Variants in EFCAB6 observed in about 807,000 individuals in gnomAD.
EFCAB6 encodes EF-hand calcium binding domain 6.
Under a neutral mutation model 169.8 loss-of-function variants are expected in EFCAB6, and 156 were observed. That is an observed-to-expected ratio of 0.92 (90% CI 0.81 to 1.05). The LOEUF (loss-of-function observed/expected upper bound fraction) is 1.05. Ranked by LOEUF, EFCAB6 falls within the 50% of genes least tolerant of loss-of-function variation. The pLI, the probability that EFCAB6 is intolerant of heterozygous loss-of-function variation, is 0.00. For synonymous variants in EFCAB6, 698 were observed against 676.4 expected (o/e 1.03, Z -0.50); for missense variants, 1,800 against 1,829.1 (o/e 0.98, Z 0.29).
At chr22:43,561,356 CAAAA>C (rs768942774) in intron 26 of EFCAB6, among the ~76,000 whole-genome samples, 1 of 112,142 alleles carries the variant, frequency 8.9e-6, no homozygotes, top group East Asian at 2.5e-4. Context: ...GACTCTGTCT[CAAAA>C]AAAAAAAAAG....
chr22:43,635,361 G>A (rs1183119971), intron 17 of EFCAB6, 145 bp from the exon 18 acceptor site: 9 of 648,196 alleles, frequency 1.4e-5, no homozygotes, highest in Non-Finnish European at 2.2e-5. Context: ...GCCAGGGGGT[G>A]GGACCGAGTC....
At chr22:43,786,649 G>C (rs2148075712) in intron 2 of EFCAB6, among the ~76,000 whole-genome samples, 1 of 152,160 alleles carries the variant, frequency 6.6e-6, no homozygotes, top group South Asian at 2.1e-4. Flanking sequence ...AGGAGGCAGA[G>C]TTTGCACTGA....
chr22:43,722,521 C>T (rs1213352274), intron 8 of EFCAB6, among the ~76,000 whole-genome samples: 2 of 123,290 alleles, frequency 1.6e-5, no homozygotes, highest in Non-Finnish European at 3.3e-5. Flanking sequence ...AAGAGTGAGA[C>T]TGCATCTCAA....
chr22:43,599,936 C>A (rs2052371212), intron 23 of EFCAB6, 133 bp downstream of exon 23: 2 of 1,029,520 alleles, frequency 1.9e-6, no homozygotes, highest in African/African-American at 3.2e-5. Flanking sequence ...GAATCGACAA[C>A]TGTGAACAAG....
At chr22:43,653,790 CA>C (rs903015641) in intron 17 of EFCAB6, among the ~76,000 whole-genome samples, 2 of 152,030 alleles carry the variant, frequency 1.3e-5, no homozygotes, top group African/African-American at 4.8e-5. Flanking sequence ...GAGGAAGGGG[CA>C]GGGGGAGGGC....
chr22:43,800,931 T>C (rs564824399), intron 2 of EFCAB6, among the ~76,000 whole-genome samples: 81 of 152,204 alleles, frequency 5.3e-4, no homozygotes, highest in African/African-American at 1.8e-3. Flanking sequence ...AAATAAATAA[T>C]AACAGAAAAC....
At chr22:43,605,321 C>T (rs1270804593) in intron 22 of EFCAB6, among the ~76,000 whole-genome samples, 2 of 152,144 alleles carry the variant, frequency 1.3e-5, no homozygotes, top group Non-Finnish European at 2.9e-5. Context: ...TGACCCCTTC[C>T]TTGCTCAGGG....
chr22:43,621,461 A>C (rs895468392), intron 20 of EFCAB6, among the ~76,000 whole-genome samples: 1 of 152,158 alleles, frequency 6.6e-6, no homozygotes, highest in Non-Finnish European at 1.5e-5. Flanking sequence ...CCATGGATCC[A>C]AGAGGAAGTC....
chr22:43,552,115 A>G (rs919785981), intron 27 of EFCAB6: 4 of 152,236 alleles, frequency 2.6e-5, no homozygotes, highest in Admixed American at 2.6e-4. Context: ...ACAGGCGTGA[A>G]CCGCTGTGCC....
In EFCAB6 at chr22:43,795,684, G is replaced by C. The variant is rs2148140674; in HGVS notation, c.-8+13311C>G. On this transcript the variant is annotated intron_variant, in intron 2 of 31. Transcript: ENST00000262726. This position sits in a 1 kb window ranked among gnomAD's most constrained non-coding sequence, Gnocchi z 4.2. ...TGGGAAATTATGAACTCCATTATAA[G>C]CTCCATGAAATAAAAGGGTGTGTTT... Among the ~76,000 whole-genome samples, 1 of 152,126 alleles carries C rather than the reference G, an allele frequency of 6.6e-6. No homozygotes were observed. The highest frequency in any genetic ancestry group is 2.1e-4 in the South Asian group (1 of 4,818).
At chr22:43,667,318 G>T in intron 16 of EFCAB6, 46 bp from the exon 17 acceptor site, 1 of 1,595,812 alleles carries the variant, frequency 6.3e-7, no homozygotes, top group Non-Finnish European at 8.6e-7. Context: ...ACTGACACAC[G>T]CAGGGTGCTT....
rs146757601 is a variant in EFCAB6 at position 43,679,345 on chromosome 22, C to T, written c.1252-1182G>A. On this transcript the variant is annotated intron_variant, in intron 12 of 31. Coordinates refer to ENST00000262726, the MANE Select transcript of EFCAB6 (RefSeq NM_022785.4). ...ATCAGTATTTTGCTCCTTTTTATTCCCAATCGGGCATTACATTGCCAGATT... is the reference window on the plus strand; with the variant it reads ...ATCAGTATTTTGCTCCTTTTTATTCTCAATCGGGCATTACATTGCCAGATT... Among the ~76,000 whole-genome samples the T allele has an allele frequency of 9.1e-4, 139 of 152,204 alleles. 1 individual carries two copies. Among genetic ancestry groups the T allele is most frequent in the African/African-American group, 3.1e-3 (129 of 41,524 alleles).
chr22:43,590,944 G>A (rs2051468054), intron 23 of EFCAB6, among the ~76,000 whole-genome samples: 1 of 151,994 alleles, frequency 6.6e-6, no homozygotes, highest in Admixed American at 6.6e-5. Flanking sequence ...TCGGTGCTGG[G>A]GCAAGGGAGT....
intron 31 of EFCAB6, 187 bp downstream of exon 31, chr22:43,530,628 G>T: frequency 1.0e-6 from 1 of 985,452 alleles, no homozygotes; most frequent in Non-Finnish European, 1.2e-6. Context: ...GGAGAACCCG[G>T]GGTCTGAAGG....
intron 26 of EFCAB6, among the ~76,000 whole-genome samples, chr22:43,566,004 T>C (rs1245862335): frequency 1.4e-5 from 1 of 69,734 alleles, no homozygotes; most frequent in Non-Finnish European, 2.7e-5. Context: ...GCAGGAAAAC[T>C]GCCTGTCAAA....
chr22:43,600,083 C>T lies in EFCAB6; in HGVS notation c.2862G>A (p.Lys954=). ...TCCTCACTCACCTGGCTGCCACAGC[C>T]TTCTCTGTGCTCTGCTGCAGCTCCT... The part of the protein sequence containing the change: ...EMKELQQSTE[K]AVAARDKLMD... The change falls in exon 23 of 32, where the codon AAG becomes AAA. Residue 954 remains lysine (K), a synonymous_variant. Transcript: ENST00000262726. 1.2e-6 allele frequency: 2 copies of T among 1,613,816 alleles called. No homozygotes were observed. The highest frequency in any genetic ancestry group is 2.2e-5 in the South Asian group (2 of 90,976).
intron 18 of EFCAB6, among the ~76,000 whole-genome samples, chr22:43,634,473 A>T (rs2055225567): frequency 6.6e-6 from 1 of 152,166 alleles, no homozygotes; most frequent in South Asian, 2.1e-4. Flanking sequence ...GGGCTCCTGC[A>T]TTCCACCCTG....
rs1470666427 is a variant in EFCAB6, at chr22:43,784,535, G to GTATA, written c.-7-2211_-7-2210insTATA. On this transcript the variant is annotated intron_variant, in intron 2 of 31. Coordinates refer to ENST00000262726, the MANE Select transcript of EFCAB6 (RefSeq NM_022785.4). ...TATGTGTGTGTGTGTGTGTGTGTGT[G>GTATA]TGTGTGTGTATATGTATATATACAC... Among the ~76,000 whole-genome samples the GTATA allele has an allele frequency of 2.9e-4, 29 of 100,658 alleles. 3 individuals are homozygous for GTATA. The highest frequency in any genetic ancestry group is 4.7e-4 in the Non-Finnish European group (24 of 51,190). 66.0% of individuals were successfully genotyped at this position (100,658 alleles called of 152,430 possible).
At position 43,760,655 on chromosome 22, in the gene EFCAB6, A is replaced by ATTTT. The variant is rs71188411; in HGVS notation, c.440+4646_440+4649dup. 4.0e-4 allele frequency among the ~76,000 whole-genome samples: 55 copies of ATTTT among 138,958 alleles called. 2 individuals are homozygous for ATTTT. The highest frequency in any genetic ancestry group is 1.9e-3 in the East Asian group (9 of 4,722). 91.2% of individuals were successfully genotyped at this position (138,958 alleles called of 152,430 possible). A position where few individuals can be genotyped will look rare whatever the true frequency, so the allele number is the denominator to read the frequency against. On this transcript the variant is annotated intron_variant, in intron 5 of 31. Transcript: ENST00000262726. ...CGCCCTCTTGAATAGGAGTAGGTGCATTTTTTTTTTTTTTTTTCCTGAGAT... is the reference window on the plus strand; with the variant it reads ...CGCCCTCTTGAATAGGAGTAGGTGCATTTTTTTTTTTTTTTTTTTTTCCTGAGAT...
Sources: allele counts gnomAD v4.1 joint callset (sites outside exome capture counted in the v4.1 genomes callset), GRCh38; gene constraint gnomAD v4.1.1; non-coding constraint Gnocchi (gnomAD v3.1); transcripts MANE v1.5; gene names NCBI Gene and HGNC (gene_info 2026-07-23, HGNC 2026-07-21).